The following LARP1 variants were observed in gnomAD, a reference collection of about 807,000 sequenced individuals.
LARP1 encodes La ribonucleoprotein 1, translational regulator.
A neutral mutation model predicts 122.7 loss-of-function variants in LARP1; 36 were observed. That is an observed-to-expected ratio of 0.29 (90% CI 0.22 to 0.39). The LOEUF is 0.39. Ranked by LOEUF, LARP1 falls within the 10% of genes least tolerant of loss-of-function variation. LARP1 has a pLI of 1.00. For synonymous variants in LARP1, 539 were observed against 528.7 expected, an observed-to-expected ratio of 1.02 and a Z score of -0.27; for missense variants, 1,040 against 1,403.6, an observed-to-expected ratio of 0.74 and a Z score of 4.14.
rs549450382 is a variant in LARP1, at chr5:154,703,814, T to A, written c.-180+20777T>A. ...TTTTGTATTTTTAGTAGAAATGGGG[T>A]TTCACTATGTTGGCCAGGCTGGTCT... On this transcript the variant is annotated intron_variant, in intron 1 of 18. Coordinates refer to the LARP1 transcript ENST00000687700. 5.9e-5 allele frequency among the ~76,000 whole-genome samples: 9 copies of A among 152,218 alleles called. No homozygotes were observed. The South Asian group carries it at 1.9e-3, about 32-fold the overall frequency.
chr5:154,690,048 A>C (rs1177790932), intron 1 of LARP1, among the ~76,000 whole-genome samples: 1 of 149,254 alleles, frequency 6.7e-6, no homozygotes, highest in African/African-American at 2.4e-5. Flanking sequence ...CTCCAAAAAA[A>C]TTAAAATTTA....
chr5:154,758,621 G>C (rs918950641), intron 1 of LARP1, among the ~76,000 whole-genome samples: 1 of 152,192 alleles, frequency 6.6e-6, no homozygotes, highest in Non-Finnish European at 1.5e-5. Context: ...ATTTAAACGT[G>C]ACACTAGTGG....
intron 1 of LARP1, among the ~76,000 whole-genome samples, chr5:154,786,125 C>T (rs766817194): frequency 2.6e-5 from 4 of 152,138 alleles, no homozygotes; most frequent in Non-Finnish European, 5.9e-5. Context: ...TCACTGCAAC[C>T]TCCGCCTCCC....
At chr5:154,692,319 T>C (rs977918388) in intron 1 of LARP1, among the ~76,000 whole-genome samples, 1 of 152,216 alleles carries the variant, frequency 6.6e-6, no homozygotes, top group African/African-American at 2.4e-5. Flanking sequence ...TGCTTATTGC[T>C]AAACCTTGAT....
At chr5:154,790,828 T>C (rs998492624) in intron 3 of LARP1, 118 bp downstream of exon 3, 6 of 956,532 alleles carry the variant, frequency 6.3e-6, no homozygotes, top group South Asian at 1.5e-5. Context: ...CTTTCTTTTT[T>C]TTCCCCCCAA....
In LARP1 at chr5:154,811,642, T is replaced by C; in HGVS notation, c.3081+2T>C. 6.2e-7 allele frequency: 1 copy of C among 1,614,096 alleles called. No homozygotes were observed. The highest frequency in any genetic ancestry group is 8.5e-7 in the Non-Finnish European group (1 of 1,179,996). The stretch of plus-strand genomic sequence containing the variant: ...CGTCTTGAAGACTTCCGAGTAGATG[T>C]AAGTGAAACTCTTTCTCTAACTCTG... On this transcript the variant is annotated splice_donor_variant, in intron 18 of 18. Coordinates refer to ENST00000518297, the MANE Select transcript of LARP1 (RefSeq NM_033551.3). LOFTEE classifies it high-confidence loss of function.
chr5:154,761,409 A>G (rs1754437360), intron 1 of LARP1, among the ~76,000 whole-genome samples: 3 of 152,144 alleles, frequency 2.0e-5, no homozygotes, highest in Admixed American at 2.0e-4. Context: ...GGAGTAAGCA[A>G]TCTTAATAGC....
At chr5:154,705,262 C>A (rs1754896966) in intron 1 of LARP1, among the ~76,000 whole-genome samples, 1 of 152,142 alleles carries the variant, frequency 6.6e-6, no homozygotes, top group African/African-American at 2.4e-5. Context: ...CCAACTTACA[C>A]CAGTCAGAAT....
chr5:154,793,503 C>G (rs1019105715), intron 4 of LARP1, 92 bp from the exon 5 acceptor site: 1 of 1,537,256 alleles, frequency 6.5e-7, no homozygotes, highest in Non-Finnish European at 8.9e-7. Context: ...GATTTGGGCC[C>G]AAGTCCAGGG....
chr5:154,804,638 C>T, intron 14 of LARP1: 1 of 403,170 alleles, frequency 2.5e-6, no homozygotes, highest in South Asian at 2.0e-5. Flanking sequence ...CTGGCAGTCT[C>T]TCTGAGCCTA....
chr5:154,722,269 T>G (rs1487377955), intron 1 of LARP1, among the ~76,000 whole-genome samples: 1 of 152,194 alleles, frequency 6.6e-6, no homozygotes, highest in Admixed American at 6.5e-5. Context: ...GCAGGGAGGC[T>G]GCTGGACTCC....
chr5:154,802,078 C>G lies in LARP1; in HGVS notation c.1788C>G (p.Ser596=). 6.2e-7 allele frequency: 1 copy of G among 1,614,114 alleles called. No homozygotes were observed. Among genetic ancestry groups the G allele is most frequent in the Non-Finnish European group, 8.5e-7 (1 of 1,180,030 alleles). ...AGCTGCCTTCCCAGCAGCTGATGTC[C>G]AAGGATCAGGATGAGCAAGAGGAAC... The part of the protein sequence containing the change: ...PQQLPSQQLM[S]KDQDEQEELD... Residue 596 remains serine (S), a synonymous_variant, in exon 11 of 19, where the codon TCC becomes TCG. Coordinates refer to ENST00000518297, the MANE Select transcript of LARP1 (RefSeq NM_033551.3). This position sits in a 1 kb window ranked among gnomAD's most constrained non-coding sequence, Gnocchi z 5.1.
chr5:154,760,727 A>G (rs764510963), intron 1 of LARP1, among the ~76,000 whole-genome samples: 3 of 152,254 alleles, frequency 2.0e-5, no homozygotes, highest in Non-Finnish European at 4.4e-5. Flanking sequence ...GCAGTTATTC[A>G]GTTTCTAAAT....
At chr5:154,742,490 C>T (rs762750462) in intron 1 of LARP1, among the ~76,000 whole-genome samples, 4 of 151,984 alleles carry the variant, frequency 2.6e-5, no homozygotes, top group Admixed American at 6.6e-5. Flanking sequence ...ACCTGGGAGG[C>T]GGAGGTTGCA....
At chr5:154,711,141 C>CTTTT (rs544780959), upstream of LARP1, among the ~76,000 whole-genome samples, 1 of 135,312 alleles carries the variant, frequency 7.4e-6, no homozygotes, top group Admixed American at 7.5e-5. Context: ...CAGTGTGGTA[C>CTTTT]TTTTTTTTTT....
chr5:154,778,078 G>T (rs1164129567), intron 1 of LARP1, among the ~76,000 whole-genome samples: 1 of 152,038 alleles, frequency 6.6e-6, no homozygotes, highest in South Asian at 2.1e-4. Context: ...TGGCTAACAC[G>T]GTGAAACCCC....
At chr5:154,687,112 G>A (rs1380984779) in intron 1 of LARP1, among the ~76,000 whole-genome samples, 1 of 152,174 alleles carries the variant, frequency 6.6e-6, no homozygotes, top group African/African-American at 2.4e-5. Context: ...AGTCTCAAAG[G>A]TTTCTGATTG....
chr5:154,779,148 G>A (rs924208851), intron 1 of LARP1, among the ~76,000 whole-genome samples: 4 of 152,064 alleles, frequency 2.6e-5, no homozygotes, highest in African/African-American at 9.7e-5. Context: ...TGAGCTAGCT[G>A]TCATGGACCC....
At chr5:154,790,260 A>G in intron 1 of LARP1, 65 bp from the exon 2 acceptor site, 2 of 1,378,542 alleles carry the variant, frequency 1.5e-6, no homozygotes, top group East Asian at 2.3e-5. Flanking sequence ...GATGAGGGTG[A>G]GGAGCTGGCA....
Sources: gnomAD v4.1 joint callset for allele counts (sites outside exome capture counted in the v4.1 genomes callset) on GRCh38, gnomAD v4.1.1 for gene constraint, Gnocchi (gnomAD v3.1) non-coding constraint, MANE v1.5 for transcripts, NCBI Gene and HGNC (gene_info 2026-07-23, HGNC 2026-07-21) for gene names.